RIMS1: variants seen among roughly 807,000 people sequenced by gnomAD.
The protein encoded by RIMS1 is regulating synaptic membrane exocytosis 1.
Under a neutral mutation model 214.1 loss-of-function variants are expected in RIMS1, and 83 were observed. The observed-to-expected ratio is 0.39, with a 90% CI of 0.32 to 0.47. The LOEUF is 0.47. Ranked by LOEUF, RIMS1 falls within the 20% of genes least tolerant of loss-of-function variation. RIMS1 has a pLI of 0.99. For synonymous variants in RIMS1, 793 were observed against 786.8 expected, an observed-to-expected ratio of 1.01 and a Z score of -0.13; for missense variants, 2,050 against 2,161.8, an observed-to-expected ratio of 0.95 and a Z score of 1.03.
At chr6:72,252,512 T>C (rs1024695309) in intron 15 of RIMS1, among the ~76,000 whole-genome samples, 1 of 152,196 alleles carries the variant, frequency 6.6e-6, no homozygotes, top group Non-Finnish European at 1.5e-5. Flanking sequence ...AGAATTAATC[T>C]GAAAATCTTA....
chr6:72,096,948 G>A lies in RIMS1; in HGVS notation c.246-1G>A. ...TTGCTACCATTTTCTCTTTTGCCTA[G>A]GAGATTGCATCAACAGTTTGAAAGC... On this transcript the variant is annotated splice_acceptor_variant, in intron 2 of 33. Transcript: ENST00000521978. LOFTEE classifies it high-confidence loss of function. The A allele has an allele frequency of 6.2e-7, 1 of 1,612,118 alleles. No individual in the cohort carries two copies. The highest frequency in any genetic ancestry group is 8.5e-7 in the Non-Finnish European group (1 of 1,178,764).
At chr6:72,190,378 A>T (rs2153979966) in intron 6 of RIMS1, among the ~76,000 whole-genome samples, 1 of 151,136 alleles carries the variant, frequency 6.6e-6, no homozygotes, top group Non-Finnish European at 1.5e-5. Flanking sequence ...CAGGAGAATC[A>T]TTTGAACCCG....
At position 72,182,887 on chromosome 6, in the gene RIMS1, G is replaced by A. The variant is rs1421400873; in HGVS notation, c.1416G>A (p.Lys472=). 1 of 1,568,688 alleles carries A rather than the reference G, an allele frequency of 6.4e-7. No homozygotes were observed. Among genetic ancestry groups the A allele is most frequent in the Non-Finnish European group, 8.6e-7 (1 of 1,158,636 alleles). ...PELKAQEPLR[K]QSRLDPSSAV... ...TCAAAGCCCAGGAGCCCCTCAGGAAGCAGAGCCGCCTGGACCCCAGCTCGG... is the reference window on the plus strand; with the variant it reads ...TCAAAGCCCAGGAGCCCCTCAGGAAACAGAGCCGCCTGGACCCCAGCTCGG... The change falls in exon 6 of 34, where the codon AAG becomes AAA. Residue 472 remains lysine, a synonymous_variant. Transcript: ENST00000521978.
chr6:71,897,851 C>G (rs1430165957), intron 1 of RIMS1, among the ~76,000 whole-genome samples: 2 of 151,560 alleles, frequency 1.3e-5, no homozygotes, highest in African/African-American at 4.8e-5. Flanking sequence ...GAATTAGATT[C>G]AAGGAATGTG....
At chr6:72,269,381 G>A (rs2082010359) in intron 22 of RIMS1, among the ~76,000 whole-genome samples, 1 of 152,046 alleles carries the variant, frequency 6.6e-6, no homozygotes, top group Non-Finnish European at 1.5e-5. Context: ...TCCACCTCCA[G>A]TTTTCTTCTT....
At chr6:72,123,650 G>T (rs1222544356) in intron 4 of RIMS1, among the ~76,000 whole-genome samples, 2 of 151,754 alleles carry the variant, frequency 1.3e-5, no homozygotes, top group Admixed American at 6.6e-5. Context: ...ATGAATCTGG[G>T]TGCTCCTGTA....
chr6:72,275,153 T>C (rs1370450113), intron 23 of RIMS1, among the ~76,000 whole-genome samples: 6 of 53,584 alleles, frequency 1.1e-4, no homozygotes, highest in East Asian at 3.6e-4. Context: ...TATATATATA[T>C]ATATATATAT....
At chr6:72,172,490 G>A (rs2047166071) in intron 4 of RIMS1, among the ~76,000 whole-genome samples, 1 of 152,086 alleles carries the variant, frequency 6.6e-6, no homozygotes, top group African/African-American at 2.4e-5. Flanking sequence ...GTATTGCAAT[G>A]ACATATAAAA....
chr6:72,392,846 T>G, intron 31 of RIMS1, 36 bp downstream of exon 31: 1 of 1,397,656 alleles, frequency 7.2e-7, no homozygotes, highest in African/African-American at 1.4e-5. Context: ...AGAAAATTGA[T>G]GTTTTGTGTT....
chr6:72,158,527 T>G (rs971415909), intron 4 of RIMS1, among the ~76,000 whole-genome samples: 4 of 137,710 alleles, frequency 2.9e-5, no homozygotes, highest in African/African-American at 1.0e-4. Flanking sequence ...TCATTTAACA[T>G]TAGGTATATC....
At chr6:72,109,475 G>GT (rs1240621070) in intron 4 of RIMS1, among the ~76,000 whole-genome samples, 9 of 152,186 alleles carry the variant, frequency 5.9e-5, no homozygotes, top group African/African-American at 1.4e-4. Flanking sequence ...TTTTTCATGT[G>GT]TTTTTTGGTT....
intron 1 of RIMS1, among the ~76,000 whole-genome samples, chr6:71,893,364 C>T (rs1770571828): frequency 6.6e-6 from 1 of 151,092 alleles, no homozygotes; most frequent in South Asian, 2.1e-4. Flanking sequence ...GTTTTTAGCA[C>T]AAAAAGCAAT....
rs567069863 is a variant in RIMS1, at chr6:72,401,539, G to A, written c.*825G>A. 4.6e-5 allele frequency: 7 copies of A among 152,680 alleles called. No individual in the cohort carries two copies. The South Asian group carries it at 1.2e-3, about 27-fold the overall frequency. 9.5% of individuals were successfully genotyped at this position (152,680 alleles called of 1,614,324 possible). On this transcript the variant is annotated 3_prime_UTR_variant, in exon 34 of 34. Coordinates refer to ENST00000521978, the MANE Select transcript of RIMS1 (RefSeq NM_014989.7). ...TTTATGGTTTCCATTGTTTTGCATG[G>A]AAGACTTTTAAAGAAGTCAATCTGC...
chr6:72,163,109 A>G (rs2045709044), intron 4 of RIMS1, among the ~76,000 whole-genome samples: 1 of 137,726 alleles, frequency 7.3e-6, no homozygotes, highest in African/African-American at 2.5e-5. Flanking sequence ...TTTTTCTCTA[A>G]TCTTCTCTTC....
chr6:71,979,193 G>C (rs1797877462), intron 2 of RIMS1, among the ~76,000 whole-genome samples: 1 of 151,958 alleles, frequency 6.6e-6, no homozygotes, highest in East Asian at 1.9e-4. Context: ...AACTTAAGTA[G>C]TTCTACTATG....
intron 6 of RIMS1, among the ~76,000 whole-genome samples, chr6:72,189,054 T>C (rs1288824358): frequency 6.6e-6 from 1 of 152,194 alleles, no homozygotes; most frequent in Non-Finnish European, 1.5e-5. Flanking sequence ...CATAATGTTA[T>C]GGGAACAGGA....
chr6:72,336,680 T>C (rs1467303820), intron 29 of RIMS1, among the ~76,000 whole-genome samples: 1 of 151,834 alleles, frequency 6.6e-6, no homozygotes, highest in African/African-American at 2.4e-5. Context: ...CTTCTCTTTC[T>C]ACATAATAAT....
chr6:72,361,872 T>C (rs2097840269), intron 29 of RIMS1, among the ~76,000 whole-genome samples: 1 of 152,232 alleles, frequency 6.6e-6, no homozygotes, highest in Admixed American at 6.5e-5. Context: ...CAAGCTTAAT[T>C]CCATCTGCCA....
At position 72,339,145 on chromosome 6, in the gene RIMS1, C is replaced by T. The variant is rs147275907; in HGVS notation, c.4366+5310C>T. On this transcript the variant is annotated intron_variant, in intron 29 of 33. Coordinates refer to ENST00000521978, the MANE Select transcript of RIMS1 (RefSeq NM_014989.7). The stretch of plus-strand genomic sequence containing the variant: ...GGTAGAACGGAAGCACAGGAAAGGA[C>T]GAGAATCATTCCAAGAGGCTTTCTT... Among the ~76,000 whole-genome samples, 22 of 151,702 alleles carry T rather than the reference C, an allele frequency of 1.5e-4. No individual in the cohort carries two copies. In the East Asian group the frequency reaches 3.5e-3, roughly 24 times the overall value.
Sources: allele counts gnomAD v4.1 joint callset (sites outside exome capture counted in the v4.1 genomes callset), GRCh38; gene constraint gnomAD v4.1.1; transcripts MANE v1.5; gene names NCBI Gene and HGNC (gene_info 2026-07-23, HGNC 2026-07-21).